The following SPTSSA variants were observed in gnomAD, a reference collection of about 807,000 sequenced individuals.
The protein encoded by SPTSSA is serine palmitoyltransferase small subunit A, also known as small subunit of serine palmitoyltransferase A.
In SPTSSA, 8 loss-of-function variants were observed where a neutral mutation model predicts 9.1. That is an observed-to-expected ratio of 0.88 (90% CI 0.51 to 1.58). The LOEUF (loss-of-function observed/expected upper bound fraction) is 1.58, where lower values mean the gene tolerates loss of function less well. Ranked by LOEUF, SPTSSA falls within the 40% of genes most tolerant of loss-of-function variation. The pLI, the probability that SPTSSA is intolerant of heterozygous loss-of-function variation, is 0.00. For missense variants in SPTSSA, 100 were observed against 93.8 expected (o/e 1.07, Z -0.27); for synonymous variants, 42 against 37.7 (o/e 1.11, Z -0.41).
chr14:34,458,663 ATTTTTTT>A (rs35426259), intron 1 of SPTSSA, among the ~76,000 whole-genome samples: 10 of 89,620 alleles, frequency 1.1e-4, no homozygotes, highest in African/African-American at 3.5e-4. Flanking sequence ...CACTCAGCTA[ATTTTTTT>A]TTTTTTTTTT....
chr14:34,457,549 T>G (rs1878509516), intron 1 of SPTSSA, among the ~76,000 whole-genome samples: 1 of 152,242 alleles, frequency 6.6e-6, no homozygotes. Flanking sequence ...ATTGTTACCT[T>G]TTGTCTTAAT....
intron 1 of SPTSSA, among the ~76,000 whole-genome samples, chr14:34,444,961 G>A (rs923247844): frequency 9.3e-5 from 14 of 150,428 alleles, no homozygotes; most frequent in African/African-American, 2.9e-4. Context: ...GCGTGGTGGT[G>A]GGCGCCTGTA....
At chr14:34,439,030 T>C (rs1196383937) in intron 1 of SPTSSA, among the ~76,000 whole-genome samples, 2 of 152,108 alleles carry the variant, frequency 1.3e-5, no homozygotes, top group Non-Finnish European at 2.9e-5. Context: ...AAGCTATTTA[T>C]TGAGGGAATT....
intron 1 of SPTSSA, among the ~76,000 whole-genome samples, chr14:34,447,869 C>A (rs1049633386): frequency 6.6e-6 from 1 of 152,196 alleles, no homozygotes; most frequent in African/African-American, 2.4e-5. Context: ...CAAATTCATT[C>A]CCTCTCGCCT....
intron 1 of SPTSSA, among the ~76,000 whole-genome samples, chr14:34,439,591 C>T (rs60371658): frequency 6.6e-6 from 1 of 152,198 alleles, no homozygotes; most frequent in Non-Finnish European, 1.5e-5. Flanking sequence ...AAACCATTCC[C>T]TAATATACAC....
intron 1 of SPTSSA, among the ~76,000 whole-genome samples, chr14:34,444,129 T>C (rs2138822946): frequency 6.6e-6 from 1 of 150,658 alleles, no homozygotes; most frequent in Middle Eastern, 3.4e-3. Flanking sequence ...AGAGCCTAAA[T>C]CAAATATTTT....
intron 1 of SPTSSA, among the ~76,000 whole-genome samples, chr14:34,458,881 A>G (rs1036215989): frequency 6.6e-6 from 1 of 150,480 alleles, no homozygotes; most frequent in Admixed American, 6.6e-5. Flanking sequence ...ATAGTACGTT[A>G]TCAATTTCCC....
At chr14:34,455,748 A>G (rs561538700) in intron 1 of SPTSSA, among the ~76,000 whole-genome samples, 3 of 151,656 alleles carry the variant, frequency 2.0e-5, no homozygotes, top group Admixed American at 2.0e-4. Context: ...CCTGGCCAAC[A>G]TGGTGAAACC....
At chr14:34,441,278 C>A (rs1160106726) in intron 1 of SPTSSA, among the ~76,000 whole-genome samples, 1 of 152,172 alleles carries the variant, frequency 6.6e-6, no homozygotes, top group African/African-American at 2.4e-5. Context: ...CAGGAAATAG[C>A]CTCCCCATAG....
At chr14:34,461,272 C>T in intron 1 of SPTSSA, among the ~76,000 whole-genome samples, 1 of 152,128 alleles carries the variant, frequency 6.6e-6, no homozygotes, top group South Asian at 2.1e-4. Flanking sequence ...AGACAAGAAA[C>T]ATCAGACTTT....
At chr14:34,442,501 G>A (rs1450396326) in intron 1 of SPTSSA, among the ~76,000 whole-genome samples, 3 of 152,198 alleles carry the variant, frequency 2.0e-5, no homozygotes, top group Non-Finnish European at 4.4e-5. Flanking sequence ...TTGCTCCAGG[G>A]GTCCTGCAGA....
chr14:34,448,747 T>C (rs1883468333), intron 1 of SPTSSA, among the ~76,000 whole-genome samples: 1 of 152,102 alleles, frequency 6.6e-6, no homozygotes, highest in Admixed American at 6.6e-5. Flanking sequence ...AATTCTTTGT[T>C]CAAGATGCCA....
chr14:34,456,346 T>C (rs1339722750), intron 1 of SPTSSA, among the ~76,000 whole-genome samples: 4 of 151,958 alleles, frequency 2.6e-5, no homozygotes, highest in Non-Finnish European at 5.9e-5. Flanking sequence ...ATCAATAAAA[T>C]AAAATAACAA....
At chr14:34,450,569 T>C (rs76466410) in intron 1 of SPTSSA, among the ~76,000 whole-genome samples, 1,654 of 152,230 alleles carry the variant, frequency 0.011, 33 homozygotes, top group African/African-American at 0.038. Context: ...ATCAGGTCTA[T>C]ATTCTAGAGG....
intron 1 of SPTSSA, among the ~76,000 whole-genome samples, chr14:34,440,609 C>A (rs762022434): frequency 6.6e-6 from 1 of 152,066 alleles, no homozygotes; most frequent in Non-Finnish European, 1.5e-5. Flanking sequence ...TGGCTGGGCG[C>A]GGTGGCTTAC....
intron 1 of SPTSSA, among the ~76,000 whole-genome samples, chr14:34,458,904 CTTT>C (rs759940424): frequency 8.1e-6 from 1 of 124,028 alleles, no homozygotes. Context: ...GAAATTACAA[CTTT>C]TTTTTTTTTT....
chr14:34,447,154 G>A lies in SPTSSA; in HGVS notation c.113-11850C>T, dbSNP rs112137053. ...CAGGAGAATCGCTTAAATCTGTGAG[G>A]TGGAGGTTTCAGTGAGCCAAGATTG... is the stretch of plus-strand genomic sequence containing the variant. On this transcript the variant is annotated intron_variant, in intron 1 of 1. Coordinates refer to ENST00000298130, the MANE Select transcript of SPTSSA (RefSeq NM_138288.4). 2.7e-5 allele frequency among the ~76,000 whole-genome samples: 4 copies of A among 149,976 alleles called. No homozygotes were observed. The Admixed American group carries it at 2.7e-4, about 10-fold the overall frequency.
At chr14:34,440,934 A>ACATTAAATAAAATTGAG (rs1355632381) in intron 1 of SPTSSA, among the ~76,000 whole-genome samples, 1 of 152,204 alleles carries the variant, frequency 6.6e-6, no homozygotes, top group African/African-American at 2.4e-5. Context: ...AATTTTGTGA[A>ACATTAAATAAAATTGAG]CATTAAATTG....
In SPTSSA at chr14:34,435,060, C is replaced by T. The variant is rs1045131469; in HGVS notation, c.*141G>A. 1 of 527,160 alleles carries T rather than the reference C, an allele frequency of 1.9e-6. No individual in the cohort carries two copies. The highest frequency in any genetic ancestry group is 3.1e-5 in the East Asian group (1 of 32,310). The allele number at this position is 527,160 out of a possible 1,614,324, so 32.7% of individuals were successfully genotyped here. A position where few individuals can be genotyped will look rare whatever the true frequency, so the allele number is the denominator to read the frequency against. ...CAACACATGAGTCAGGATGATTTTC[C>T]TGTTCTACTCATGAATTTTAGTCTT... On this transcript the variant is annotated 3_prime_UTR_variant, in exon 2 of 2. Coordinates refer to ENST00000298130, the MANE Select transcript of SPTSSA (RefSeq NM_138288.4).
Sources: allele counts gnomAD v4.1 joint callset (sites outside exome capture counted in the v4.1 genomes callset), GRCh38; gene constraint gnomAD v4.1.1; transcripts MANE v1.5; gene names NCBI Gene and HGNC (gene_info 2026-07-23, HGNC 2026-07-21).